Variants in SLCO3A1 observed in about 807,000 individuals in gnomAD.
SLCO3A1 encodes the protein solute carrier organic anion transporter family member 3A1.
SLCO3A1 carries 27 observed loss-of-function variants against 63.1 expected under a neutral mutation model. The observed-to-expected ratio is 0.43, with a 90% CI of 0.32 to 0.59. SLCO3A1 has a LOEUF of 0.59. Ranked by LOEUF, SLCO3A1 falls within the 20% of genes least tolerant of loss-of-function variation. SLCO3A1 has a pLI of 0.09. For synonymous variants in SLCO3A1, 473 were observed against 409.9 expected (o/e 1.15, Z -1.86); for missense variants, 773 against 945.8 (o/e 0.82, Z 2.40).
At chr15:91,973,488 A>AG (rs1452030482) in intron 2 of SLCO3A1, among the ~76,000 whole-genome samples, 1 of 152,182 alleles carries the variant, frequency 6.6e-6, no homozygotes, top group African/African-American at 2.4e-5. Context: ...AGCAGGAAGA[A>AG]GGGGGGCTGA....
rs2141826240 is a variant in SLCO3A1 at position 91,854,413 on chromosome 15, G to C, written c.180+325G>C. On this transcript the variant is annotated intron_variant, in intron 1 of 9. Transcript: ENST00000318445. This position sits in a 1 kb window ranked among gnomAD's most constrained non-coding sequence, Gnocchi z 6.4. ...CCCCATAAGAGCGGAGCGAGACGGT[G>C]AGTTCAGGGTTCTCCTTGGAGAGGA... 11 of 1,027,470 alleles carry C rather than the reference G, an allele frequency of 1.1e-5. No individual in the cohort carries two copies. The highest frequency in any genetic ancestry group is 1.3e-5 in the Non-Finnish European group (11 of 854,376). 63.6% of individuals were successfully genotyped at this position (1,027,470 alleles called of 1,614,324 possible).
chr15:91,996,593 T>C (rs2046195058), intron 2 of SLCO3A1, among the ~76,000 whole-genome samples: 1 of 152,104 alleles, frequency 6.6e-6, no homozygotes, highest in Non-Finnish European at 1.5e-5. Flanking sequence ...CTGATAGTTA[T>C]CAGGATTAAA....
chr15:92,162,611 T>G, intron 9 of SLCO3A1, 145 bp from the exon 10 acceptor site: 1 of 1,319,896 alleles, frequency 7.6e-7, no homozygotes, highest in East Asian at 2.4e-5. Context: ...CACAAACTCA[T>G]GCGCTTTGCC....
Position 92,132,646 on chromosome 15 carries a change from C to T in SLCO3A1, c.1512+4157C>T, listed in dbSNP as rs145209668. ...AAAAAAAAAAAACTTCCATCAGCCA[C>T]CAATAGAATGTTGAAAGTCAGTATG... On this transcript the variant is annotated intron_variant, in intron 7 of 9. Coordinates refer to ENST00000318445, the MANE Select transcript of SLCO3A1 (RefSeq NM_013272.4). 2.5e-3 allele frequency among the ~76,000 whole-genome samples: 355 copies of T among 144,106 alleles called. 45 individuals carry two copies. Among genetic ancestry groups the T allele is most frequent in the Non-Finnish European group, 4.1e-3 (262 of 64,660 alleles). The allele number at this position is 144,106 out of a possible 152,430, so 94.5% of individuals were successfully genotyped here.
downstream of SLCO3A1, among the ~76,000 whole-genome samples, chr15:92,168,714 A>T (rs183151628): frequency 6.6e-6 from 1 of 152,352 alleles, no homozygotes; most frequent in East Asian, 1.9e-4. Flanking sequence ...ACTCCTGACC[A>T]TGAGACTCTT....
chr15:92,022,177 T>G (rs1474813095), intron 2 of SLCO3A1, among the ~76,000 whole-genome samples: 1 of 152,246 alleles, frequency 6.6e-6, no homozygotes, highest in Non-Finnish European at 1.5e-5. Context: ...GGACAAGATT[T>G]TAGCAGAGGA....
chr15:92,170,937 A>G (rs1277052708), intron 10 of SLCO3A1: 1 of 152,198 alleles, frequency 6.6e-6, no homozygotes, highest in Non-Finnish European at 1.5e-5. Context: ...CTTTCAGTGG[A>G]ACCCAAGACT....
chr15:92,154,113 T>C (rs1295059727), intron 9 of SLCO3A1, among the ~76,000 whole-genome samples: 1 of 152,202 alleles, frequency 6.6e-6, no homozygotes, highest in Non-Finnish European at 1.5e-5. Flanking sequence ...GCTGCTGTAA[T>C]GAAGTGAATG....
chr15:92,107,770 C>T (rs184020972), intron 4 of SLCO3A1, among the ~76,000 whole-genome samples: 1 of 152,350 alleles, frequency 6.6e-6, no homozygotes, highest in East Asian at 1.9e-4. Flanking sequence ...TTCTCTGGAA[C>T]TTAGAGTCTT....
In SLCO3A1 at chr15:91,950,440, A is replaced by G. The variant is rs1899961191; in HGVS notation, c.646+33982A>G. Among the ~76,000 whole-genome samples the G allele has an allele frequency of 6.6e-6, 1 of 152,142 alleles. No individual in the cohort carries two copies. The highest frequency in any genetic ancestry group is 6.5e-5 in the Admixed American group (1 of 15,284). ...GACCAAATGGGGTCTCTAATCCCCAAGGGTCCCGGTGGGTTATTAGGAAGG... is the reference window on the plus strand; with the variant it reads ...GACCAAATGGGGTCTCTAATCCCCAGGGGTCCCGGTGGGTTATTAGGAAGG... On this transcript the variant is annotated intron_variant, in intron 2 of 9. Coordinates refer to ENST00000318445, the MANE Select transcript of SLCO3A1 (RefSeq NM_013272.4). The surrounding 1 kb of genome is among the most constrained non-coding windows in gnomAD (Gnocchi z 4.4).
At position 92,028,980 on chromosome 15, in the gene SLCO3A1, AACCCC is replaced by A. The variant is rs567164296; in HGVS notation, c.647-65900_647-65896del. On this transcript the variant is annotated intron_variant, in intron 2 of 9. Coordinates refer to ENST00000318445, the MANE Select transcript of SLCO3A1 (RefSeq NM_013272.4). ...GAAAACCCCTGACCCATGGTCAAAC[AACCCC>A]CAAAACTGCCAGTTGATTAGAAAAA... is the stretch of plus-strand genomic sequence containing the variant. Among the ~76,000 whole-genome samples the A allele has an allele frequency of 7.0e-5, 10 of 142,242 alleles. 1 individual carries two copies. The South Asian group carries it at 2.3e-3, about 32-fold the overall frequency. The allele number at this position is 142,242 out of a possible 152,430, so 93.3% of individuals were successfully genotyped here.
chr15:91,970,676 C>A (rs1345908027), intron 2 of SLCO3A1, among the ~76,000 whole-genome samples: 11 of 152,158 alleles, frequency 7.2e-5, no homozygotes, highest in Admixed American at 7.2e-4. Context: ...CTCTGGGTTT[C>A]CCCTGACCAA....
At chr15:91,871,765 G>GTT (rs33938693) in intron 1 of SLCO3A1, among the ~76,000 whole-genome samples, 4,857 of 45,616 alleles carry the variant, frequency 0.11, 504 homozygotes, top group East Asian at 0.21. Context: ...TTTTTTTTTG[G>GTT]TTTTTTTTTT....
intron 9 of SLCO3A1, among the ~76,000 whole-genome samples, chr15:92,153,070 T>C (rs945875330): frequency 1.1e-4 from 17 of 152,224 alleles, no homozygotes; most frequent in African/African-American, 3.4e-4. Context: ...AAAATCATCA[T>C]ACACTGCTGT....
At chr15:92,077,654 G>A (rs766295089) in intron 2 of SLCO3A1, among the ~76,000 whole-genome samples, 14 of 152,286 alleles carry the variant, frequency 9.2e-5, no homozygotes, top group East Asian at 1.9e-4. Context: ...CTGTAGGTGC[G>A]GGGTGGAGTC....
chr15:91,969,287 T>G (rs930627586), intron 2 of SLCO3A1, among the ~76,000 whole-genome samples: 3 of 151,800 alleles, frequency 2.0e-5, no homozygotes, highest in African/African-American at 7.3e-5. Context: ...GTAAAATTTC[T>G]TGTGTTTGTC....
At chr15:92,107,022 C>A (rs1390529734) in intron 4 of SLCO3A1, among the ~76,000 whole-genome samples, 1 of 152,168 alleles carries the variant, frequency 6.6e-6, no homozygotes, top group East Asian at 1.9e-4. Flanking sequence ...TTATGTTCCA[C>A]TAGGGTGCAA....
At chr15:92,152,774 A>G (rs1348793225) in intron 9 of SLCO3A1, among the ~76,000 whole-genome samples, 1 of 152,140 alleles carries the variant, frequency 6.6e-6, no homozygotes, top group African/African-American at 2.4e-5. Flanking sequence ...TTGAAAACCT[A>G]TTGTGTTCTA....
At chr15:92,109,462 G>A (rs182525756) in intron 4 of SLCO3A1, among the ~76,000 whole-genome samples, 82 of 152,292 alleles carry the variant, frequency 5.4e-4, no homozygotes, top group Admixed American at 3.2e-3. Flanking sequence ...AGGAAGGGGA[G>A]AACCAACTCC....
Sources: allele counts gnomAD v4.1 joint callset (sites outside exome capture counted in the v4.1 genomes callset), GRCh38; gene constraint gnomAD v4.1.1; non-coding constraint Gnocchi (gnomAD v3.1); transcripts MANE v1.5; gene names NCBI Gene and HGNC (gene_info 2026-07-23, HGNC 2026-07-21).